Variants in B3GALT1 observed in about 807,000 individuals in gnomAD.
B3GALT1 encodes the protein beta-1,3-galactosyltransferase 1.
In B3GALT1, 10 loss-of-function variants were observed where a neutral mutation model predicts 23.2. The observed-to-expected ratio is 0.43, with a 90% confidence interval of 0.27 to 0.73. The LOEUF (loss-of-function observed/expected upper bound fraction) is 0.73. Ranked by LOEUF, B3GALT1 falls within the 30% of genes least tolerant of loss-of-function variation. The pLI is 0.21. For synonymous variants in B3GALT1, 156 were observed against 141.5 expected, an observed-to-expected ratio of 1.10 and a Z score of -0.73; for missense variants, 299 against 405.4, an observed-to-expected ratio of 0.74 and a Z score of 2.25.
chr2:167,699,378 CTATTTTTTTTTTTT>C (rs958113892), intron 3 of B3GALT1, among the ~76,000 whole-genome samples: 1 of 78,686 alleles, frequency 1.3e-5, no homozygotes, highest in Non-Finnish European at 2.5e-5. Flanking sequence ...GCCATTATTT[CTATTTTTTTTTTTT>C]TTTTTTTTTT....
At chr2:167,865,607 C>T (rs1348452933) in intron 4 of B3GALT1, among the ~76,000 whole-genome samples, 3 of 152,040 alleles carry the variant, frequency 2.0e-5, no homozygotes, top group Non-Finnish European at 2.9e-5. Context: ...CTGGCTAACA[C>T]CGTGAAACCC....
Position 167,553,658 on chromosome 2 carries a change from C to A in B3GALT1, c.-410+63381C>A, listed in dbSNP as rs1683790111. Among the ~76,000 whole-genome samples the A allele has an allele frequency of 2.0e-5, 3 of 152,088 alleles. No homozygotes were observed. In the South Asian group the frequency reaches 6.2e-4, roughly 32 times the overall value. ...AGCTGGACCATATAGGGGCTTAGAT[C>A]TTTTTTAGACCTAAATTGCTGTGTT... On this transcript the variant is annotated intron_variant, in intron 2 of 4. Coordinates refer to ENST00000392690, the MANE Select transcript of B3GALT1 (RefSeq NM_020981.4).
chr2:167,841,958 AACTTG>A (rs1689660844), intron 4 of B3GALT1, among the ~76,000 whole-genome samples: 1 of 152,236 alleles, frequency 6.6e-6, no homozygotes, highest in Admixed American at 6.5e-5. Flanking sequence ...ATTACCTATT[AACTTG>A]ACTTCATCCA....
chr2:167,755,593 T>C (rs1462062703), intron 3 of B3GALT1, among the ~76,000 whole-genome samples: 1 of 151,316 alleles, frequency 6.6e-6, no homozygotes. Flanking sequence ...CTAAATGTAA[T>C]GAAGAGAAAT....
At chr2:167,520,976 A>T (rs1447579040) in intron 2 of B3GALT1, among the ~76,000 whole-genome samples, 1 of 151,988 alleles carries the variant, frequency 6.6e-6, no homozygotes, top group Non-Finnish European at 1.5e-5. Context: ...CACAAACAAG[A>T]TTAACTTTTT....
At chr2:167,725,643 A>G (rs7558683) in intron 3 of B3GALT1, among the ~76,000 whole-genome samples, 45 of 152,314 alleles carry the variant, frequency 3.0e-4, no homozygotes, top group East Asian at 1.3e-3. Flanking sequence ...GACCCTTAAT[A>G]TAAGTGTGGT....
At chr2:167,737,238 G>T (rs1001918295) in intron 3 of B3GALT1, among the ~76,000 whole-genome samples, 1 of 152,126 alleles carries the variant, frequency 6.6e-6, no homozygotes, top group Admixed American at 6.5e-5. Flanking sequence ...TGTGAAGTGG[G>T]TACTTTTTAA....
chr2:167,681,057 AAAGGCTGTGAC>A (rs1200291255), intron 3 of B3GALT1, among the ~76,000 whole-genome samples: 2 of 152,194 alleles, frequency 1.3e-5, no homozygotes, highest in African/African-American at 4.8e-5. Context: ...ACATGACAAC[AAAGGCTGTGAC>A]AAGGAGCTCT....
chr2:167,559,378 A>G (rs531575775), intron 2 of B3GALT1, among the ~76,000 whole-genome samples: 30 of 152,296 alleles, frequency 2.0e-4, no homozygotes, highest in South Asian at 1.2e-3. Context: ...GAAAAACTGG[A>G]AACTCTAAAA....
chr2:167,834,105 C>G (rs945562062), intron 4 of B3GALT1, among the ~76,000 whole-genome samples: 4 of 152,104 alleles, frequency 2.6e-5, no homozygotes, highest in Non-Finnish European at 5.9e-5. Context: ...GTTTCAAAAA[C>G]AGTCTTTAAC....
rs548998174 is a variant in B3GALT1, at chr2:167,429,297, A to T, written c.-510-60880A>T. ...CTCTGTCTCAAAAAAAAAAAAAAAA[A>T]AAATAAGAAATGTTTTAAAAATTGG... On this transcript the variant is annotated intron_variant, in intron 1 of 4. Coordinates refer to ENST00000392690, the MANE Select transcript of B3GALT1 (RefSeq NM_020981.4). Among the ~76,000 whole-genome samples, 599 of 151,930 alleles carry T rather than the reference A, an allele frequency of 3.9e-3. 5 individuals are homozygous for T. The highest frequency in any genetic ancestry group is 0.017 in the East Asian group (86 of 5,156).
At chr2:167,559,703 C>A (rs1683931767) in intron 2 of B3GALT1, among the ~76,000 whole-genome samples, 1 of 152,052 alleles carries the variant, frequency 6.6e-6, no homozygotes, top group Non-Finnish European at 1.5e-5. Context: ...GAAAGGGTAT[C>A]AGTGATGGAA....
chr2:167,802,289 C>T (rs1688653830), intron 3 of B3GALT1, among the ~76,000 whole-genome samples: 1 of 152,202 alleles, frequency 6.6e-6, no homozygotes, highest in African/African-American at 2.4e-5. Context: ...GGAATGAAAA[C>T]ATTCTCAGCA....
intron 3 of B3GALT1, among the ~76,000 whole-genome samples, chr2:167,794,495 TCA>T (rs1688506773): frequency 6.6e-6 from 1 of 152,198 alleles, no homozygotes. Flanking sequence ...AAAAATTCCC[TCA>T]TTTAGCAGGA....
chr2:167,293,418 G>A (rs1696290894), intron 1 of B3GALT1, 84 bp downstream of exon 1: 1 of 152,478 alleles, frequency 6.6e-6, no homozygotes, highest in Non-Finnish European at 1.5e-5. Flanking sequence ...TGGTGGCCGG[G>A]GCATCCCGAC....
chr2:167,667,624 A>G (rs867945016), intron 3 of B3GALT1, among the ~76,000 whole-genome samples: 4 of 152,124 alleles, frequency 2.6e-5, no homozygotes, highest in African/African-American at 9.7e-5. Context: ...ACATAGTCCC[A>G]TATTTCTTGG....
chr2:167,661,254 T>C (rs1686055749), intron 3 of B3GALT1, among the ~76,000 whole-genome samples: 1 of 152,150 alleles, frequency 6.6e-6, no homozygotes, highest in Admixed American at 6.6e-5. Flanking sequence ...TTGAAGATGC[T>C]TTTATAGCTC....
intron 3 of B3GALT1, among the ~76,000 whole-genome samples, chr2:167,773,816 G>T (rs1022709510): frequency 2.0e-5 from 3 of 152,186 alleles, no homozygotes; most frequent in African/African-American, 7.2e-5. Flanking sequence ...AAAACAAAGT[G>T]GGAGCAACCA....
intron 3 of B3GALT1, among the ~76,000 whole-genome samples, chr2:167,699,864 C>T (rs778234627): frequency 6.6e-6 from 1 of 152,126 alleles, no homozygotes; most frequent in African/African-American, 2.4e-5. Flanking sequence ...AGGCACCCGC[C>T]ACCATACCTG....
Sources: gnomAD v4.1 joint callset for allele counts (sites outside exome capture counted in the v4.1 genomes callset) on GRCh38, gnomAD v4.1.1 for gene constraint, MANE v1.5 for transcripts, NCBI Gene and HGNC (gene_info 2026-07-23, HGNC 2026-07-21) for gene names.